The following VSNL1 variants were observed in gnomAD, a reference collection of about 807,000 sequenced individuals.
VSNL1 encodes the protein visinin like 1, also known as visinin-like protein 1.
In VSNL1, 6 loss-of-function variants were observed where a neutral mutation model predicts 20.4. The observed-to-expected ratio is 0.29, with a 90% CI of 0.16 to 0.58. The LOEUF is 0.58. Among genes scored for constraint, VSNL1 ranks in the 20% least tolerant of loss-of-function variants. The pLI is 0.90. For synonymous variants in VSNL1, 93 were observed against 86.4 expected, an observed-to-expected ratio of 1.08 and a Z score of -0.42; for missense variants, 100 against 234.5, an observed-to-expected ratio of 0.43 and a Z score of 3.75.
intron 3 of VSNL1, among the ~76,000 whole-genome samples, chr2:17,654,214 T>C (rs1317891809): frequency 1.3e-5 from 2 of 152,260 alleles, no homozygotes; most frequent in East Asian, 3.8e-4. Context: ...AAAGCACTTT[T>C]CTAAGAAAGG....
chr2:17,625,652 T>C (rs560523471), intron 2 of VSNL1, among the ~76,000 whole-genome samples: 25 of 152,256 alleles, frequency 1.6e-4, no homozygotes, highest in African/African-American at 6.0e-4. Context: ...TGTCTGTGGC[T>C]GCAGTTAGGA....
chr2:17,596,172 C>T (rs566484022), intron 2 of VSNL1, among the ~76,000 whole-genome samples: 1 of 152,302 alleles, frequency 6.6e-6, no homozygotes, highest in South Asian at 2.1e-4. Flanking sequence ...GTGCCCTCTA[C>T]ATCTGATAGA....
intron 2 of VSNL1, among the ~76,000 whole-genome samples, chr2:17,620,454 G>T (rs145952905): frequency 8.5e-5 from 13 of 152,190 alleles, no homozygotes; most frequent in Non-Finnish European, 1.3e-4. Flanking sequence ...CAGGGGCCCC[G>T]CCTCCTCATT....
intron 2 of VSNL1, among the ~76,000 whole-genome samples, chr2:17,604,148 G>A (rs1292994431): frequency 6.6e-6 from 1 of 152,224 alleles, no homozygotes; most frequent in African/African-American, 2.4e-5. Flanking sequence ...CAGGTTGAGG[G>A]CGTCCAGCAG....
chr2:17,595,111 C>A (rs1277626320), intron 2 of VSNL1, among the ~76,000 whole-genome samples: 3 of 152,182 alleles, frequency 2.0e-5, no homozygotes, highest in African/African-American at 7.2e-5. Context: ...CAGATCTGAA[C>A]ATGGTCCCTC....
In VSNL1 at chr2:17,569,650, A is replaced by G. The variant is rs139880639; in HGVS notation, c.-5-22420A>G. ...ATAATTTCATTAGAACTAACTTCCA[A>G]TTTACTCTTTCCTCTTCATCTGTGT... On this transcript the variant is annotated intron_variant, in intron 1 of 3. Transcript: ENST00000295156. Among the ~76,000 whole-genome samples the G allele has an allele frequency of 4.0e-3, 615 of 152,178 alleles. 6 individuals are homozygous for G. The highest frequency in any genetic ancestry group is 0.014 in the African/African-American group (577 of 41,542).
At chr2:17,574,954 A>T (rs1476049922) in intron 1 of VSNL1, among the ~76,000 whole-genome samples, 1 of 151,516 alleles carries the variant, frequency 6.6e-6, no homozygotes, top group Non-Finnish European at 1.5e-5. Context: ...TTGCTTTCTT[A>T]CCCTTCTTTC....
chr2:17,641,008 T>C (rs1354056270), intron 2 of VSNL1, among the ~76,000 whole-genome samples: 2 of 152,232 alleles, frequency 1.3e-5, no homozygotes, highest in Non-Finnish European at 2.9e-5. Context: ...GCCATTGCTG[T>C]CACCAGCTGT....
chr2:17,592,638 CTCTTTTTTTTTTTTTTTTTT>C (rs1664618515), intron 2 of VSNL1, among the ~76,000 whole-genome samples: 1 of 77,636 alleles, frequency 1.3e-5, no homozygotes, highest in South Asian at 4.3e-4. Context: ...CTCTCTCTCT[CTCTTTTTTTTTTTTTTTTTT>C]TTTTTTTTTT....
chr2:17,553,465 A>T (rs73919092), intron 1 of VSNL1, among the ~76,000 whole-genome samples: 7,016 of 152,280 alleles, frequency 0.046, 256 homozygotes, highest in East Asian at 0.1. Flanking sequence ...TTACAGAGGT[A>T]ACATAGTTTT....
intron 2 of VSNL1, among the ~76,000 whole-genome samples, chr2:17,592,640 C>CTTTTTTTTTTTTTTT (rs55756596): frequency 1.4e-4 from 10 of 70,850 alleles, no homozygotes; most frequent in African/African-American, 4.9e-4. Flanking sequence ...CTCTCTCTCT[C>CTTTTTTTTTTTTTTT]TTTTTTTTTT....
intron 2 of VSNL1, among the ~76,000 whole-genome samples, chr2:17,621,734 C>G (rs1394900929): frequency 6.6e-6 from 1 of 152,138 alleles, no homozygotes; most frequent in Non-Finnish European, 1.5e-5. Flanking sequence ...CTCAAGCAAC[C>G]CTCTTGTCTC....
intron 2 of VSNL1, among the ~76,000 whole-genome samples, chr2:17,602,485 G>A (rs543436710): frequency 8.5e-5 from 13 of 152,322 alleles, no homozygotes; most frequent in African/African-American, 3.1e-4. Flanking sequence ...GCTCACGCCT[G>A]TAATCCCAGC....
chr2:17,558,460 G>C (rs940508928), intron 1 of VSNL1, among the ~76,000 whole-genome samples: 1 of 152,152 alleles, frequency 6.6e-6, no homozygotes, highest in Non-Finnish European at 1.5e-5. Flanking sequence ...CAATAATATT[G>C]CATGGAGCTA....
chr2:17,603,935 T>A (rs542605538), intron 2 of VSNL1, among the ~76,000 whole-genome samples: 2 of 152,150 alleles, frequency 1.3e-5, no homozygotes, highest in African/African-American at 4.8e-5. Flanking sequence ...AAGTTACTCA[T>A]GAAGAATTTA....
At chr2:17,586,113 T>C (rs2103370283) in intron 1 of VSNL1, among the ~76,000 whole-genome samples, 1 of 152,278 alleles carries the variant, frequency 6.6e-6, no homozygotes, top group South Asian at 2.1e-4. Context: ...CCGGCCAATT[T>C]TGGAATTCTT....
At chr2:17,582,858 C>A in intron 1 of VSNL1, among the ~76,000 whole-genome samples, 1 of 151,144 alleles carries the variant, frequency 6.6e-6, no homozygotes, top group African/African-American at 2.4e-5. Context: ...AAAGACCTGT[C>A]CTAAAGAAAA....
At position 17,625,840 on chromosome 2, in the gene VSNL1, A is replaced by ATTT. The variant is rs35795117; in HGVS notation, c.163-23549_163-23547dup. ...CCAGGTTACAGCATCTCCTTAGCTG[A>ATTT]TTTTTTTTTTTTTTTTTTTTTTTGA... On this transcript the variant is annotated intron_variant, in intron 2 of 3. Transcript: ENST00000295156. Among the ~76,000 whole-genome samples the ATTT allele has an allele frequency of 9.5e-4, 103 of 108,514 alleles. 2 individuals are homozygous for ATTT. The highest frequency in any genetic ancestry group is 3.3e-3 in the Admixed American group (35 of 10,716). 71.2% of individuals were successfully genotyped at this position (108,514 alleles called of 152,430 possible). A position where few individuals can be genotyped will look rare whatever the true frequency, so the allele number is the denominator to read the frequency against.
chr2:17,631,494 G>A (rs975457926), intron 2 of VSNL1, among the ~76,000 whole-genome samples: 2 of 152,262 alleles, frequency 1.3e-5, no homozygotes, highest in Admixed American at 1.3e-4. Flanking sequence ...TTAGCACTCT[G>A]GTTAACTATT....
Sources: gnomAD v4.1 joint callset for allele counts (sites outside exome capture counted in the v4.1 genomes callset) on GRCh38, gnomAD v4.1.1 for gene constraint, MANE v1.5 for transcripts, NCBI Gene and HGNC (gene_info 2026-07-23, HGNC 2026-07-21) for gene names.